Variants in CDYL observed in about 807,000 individuals in gnomAD.
The protein encoded by CDYL is chromodomain Y like, also known as chromodomain Y-like protein.
Under a neutral mutation model 47.3 loss-of-function variants are expected in CDYL, and 8 were observed. The ratio of observed to expected loss-of-function variants is 0.17; its 90% confidence interval spans 0.10 to 0.31. CDYL has a LOEUF of 0.31. CDYL is among the 10% of genes least tolerant of loss of function. The pLI is 1.00. For synonymous variants in CDYL, 266 were observed against 265.0 expected (o/e 1.00, Z -0.04); for missense variants, 471 against 701.4 (o/e 0.67, Z 3.71).
chr6:4,923,955 A>AT (rs1212461763), intron 2 of CDYL, among the ~76,000 whole-genome samples: 1 of 151,508 alleles, frequency 6.6e-6, no homozygotes, highest in Admixed American at 6.6e-5. Context: ...TCCAAGGAGC[A>AT]TTTTTTAGAA....
At chr6:4,804,805 G>C (rs567690705) in intron 1 of CDYL, among the ~76,000 whole-genome samples, 1 of 152,202 alleles carries the variant, frequency 6.6e-6, no homozygotes, top group Non-Finnish European at 1.5e-5. Context: ...CATTCAAGAA[G>C]AGTAATTAGA....
intron 3 of CDYL, among the ~76,000 whole-genome samples, chr6:4,936,163 G>A (rs1758186780): frequency 6.6e-6 from 1 of 152,186 alleles, no homozygotes; most frequent in Admixed American, 6.5e-5. Flanking sequence ...AGGGTTCTTT[G>A]TTCAGACAGA....
At chr6:4,744,219 C>T (rs560585179) in intron 3 of CDYL, among the ~76,000 whole-genome samples, 5 of 152,202 alleles carry the variant, frequency 3.3e-5, no homozygotes, top group East Asian at 3.9e-4. Context: ...ATAGCTCAGG[C>T]GCGAAGTCTC....
intron 1 of CDYL, among the ~76,000 whole-genome samples, chr6:4,870,208 G>T (rs1453123977): frequency 6.7e-5 from 10 of 149,864 alleles, no homozygotes; most frequent in African/African-American, 1.3e-4. Context: ...TGGACTACAG[G>T]TGTGTGCCAC....
intron 2 of CDYL, among the ~76,000 whole-genome samples, chr6:4,904,599 C>G (rs556990854): frequency 6.6e-6 from 1 of 152,320 alleles, no homozygotes; most frequent in Non-Finnish European, 1.5e-5. Flanking sequence ...GTCCTCCCTA[C>G]TTTATTATTT....
chr6:4,757,088 C>A (rs1046902482), intron 3 of CDYL, among the ~76,000 whole-genome samples: 3 of 152,026 alleles, frequency 2.0e-5, no homozygotes, highest in African/African-American at 7.2e-5. Context: ...AATAAATATA[C>A]AGAATATAAA....
rs759405940 is a variant in CDYL at position 4,954,071 on chromosome 6, A to G, written c.*15A>G. On this transcript the variant is annotated 3_prime_UTR_variant, in exon 7 of 7. Coordinates refer to ENST00000397588, the MANE Select transcript of CDYL (RefSeq NM_004824.4). The stretch of plus-strand genomic sequence containing the variant: ...ATGAGTTCTGAGTGTCGGGCTGCCC[A>G]CTGGTGACACCGGGATCGGGCTGAG... 1.9e-6 allele frequency: 3 copies of G among 1,610,266 alleles called. No homozygotes were observed. Among genetic ancestry groups the G allele is most frequent in the African/African-American group, 1.3e-5 (1 of 74,888 alleles).
chr6:4,711,798 C>T (rs1757157087), intron 1 of CDYL, among the ~76,000 whole-genome samples: 1 of 152,176 alleles, frequency 6.6e-6, no homozygotes, highest in Non-Finnish European at 1.5e-5. Flanking sequence ...GGCACAGTGG[C>T]TCATGCCTGT....
chr6:4,853,903 T>TTTCTTGC (rs1300209344), intron 1 of CDYL, among the ~76,000 whole-genome samples: 6 of 151,870 alleles, frequency 4.0e-5, no homozygotes, highest in Admixed American at 2.6e-4. Context: ...GCACACCTTG[T>TTTCTTGC]TTCTTGCTTC....
rs188709854 is a variant in CDYL, at chr6:4,746,801, A to G, written c.186+11957A>G. The stretch of plus-strand genomic sequence containing the variant: ...ACTAATGGGAGCCAGGGGAAGGATG[A>G]GATTTTCCCAGAAGAGGACTGTTGG... On this transcript the variant is annotated intron_variant, in intron 3 of 8. Transcript: ENST00000328908. 7.2e-5 allele frequency among the ~76,000 whole-genome samples: 11 copies of G among 152,194 alleles called. No homozygotes were observed. In the East Asian group the frequency reaches 2.1e-3, roughly 30 times the overall value.
intron 1 of CDYL, among the ~76,000 whole-genome samples, chr6:4,855,735 T>C (rs907284742): frequency 2.0e-5 from 3 of 152,222 alleles, no homozygotes; most frequent in East Asian, 3.8e-4. Flanking sequence ...CTTCATAGAA[T>C]ACTAACCTGA....
chr6:4,771,027 C>T (rs929564694), intron 3 of CDYL, among the ~76,000 whole-genome samples: 3 of 152,110 alleles, frequency 2.0e-5, no homozygotes, highest in East Asian at 3.8e-4. Flanking sequence ...CAAAATTTTA[C>T]TACACAATGG....
chr6:4,846,953 C>T (rs968168325), intron 1 of CDYL, among the ~76,000 whole-genome samples: 1 of 152,100 alleles, frequency 6.6e-6, no homozygotes, highest in Non-Finnish European at 1.5e-5. Context: ...AAAGTAGCCC[C>T]CTATTAGGTT....
At chr6:4,806,554 T>C (rs1445715507) in intron 1 of CDYL, among the ~76,000 whole-genome samples, 1 of 152,210 alleles carries the variant, frequency 6.6e-6, no homozygotes, top group Non-Finnish European at 1.5e-5. Flanking sequence ...TGTAGCACAG[T>C]TACCAAAACC....
chr6:4,732,026 T>A (rs1465785734), intron 2 of CDYL, among the ~76,000 whole-genome samples: 1 of 152,072 alleles, frequency 6.6e-6, no homozygotes, highest in Non-Finnish European at 1.5e-5. Context: ...AAGTAATATG[T>A]AGAGTTGATT....
At chr6:4,911,383 C>G (rs941352765) in intron 2 of CDYL, among the ~76,000 whole-genome samples, 1 of 152,186 alleles carries the variant, frequency 6.6e-6, no homozygotes, top group African/African-American at 2.4e-5. Flanking sequence ...CACATACATG[C>G]GCACAGTAGT....
At chr6:4,722,096 G>C (rs989473121) in intron 2 of CDYL, among the ~76,000 whole-genome samples, 1 of 151,930 alleles carries the variant, frequency 6.6e-6, no homozygotes, top group Non-Finnish European at 1.5e-5. Flanking sequence ...CTTTTGATCC[G>C]CATGCCTCAG....
intron 1 of CDYL, among the ~76,000 whole-genome samples, chr6:4,868,208 T>A (rs1376183415): frequency 6.6e-6 from 1 of 151,906 alleles, no homozygotes; most frequent in Admixed American, 6.6e-5. Flanking sequence ...AGATTATTGG[T>A]TCTTTCACTT....
chr6:4,898,619 G>T (rs1014985540), intron 2 of CDYL, among the ~76,000 whole-genome samples: 1 of 152,158 alleles, frequency 6.6e-6, no homozygotes, highest in Non-Finnish European at 1.5e-5. Context: ...GCAGAATGAT[G>T]TGATGCCCAG....
Sources: allele counts gnomAD v4.1 joint callset (sites outside exome capture counted in the v4.1 genomes callset), GRCh38; gene constraint gnomAD v4.1.1; transcripts MANE v1.5; gene names NCBI Gene and HGNC (gene_info 2026-07-23, HGNC 2026-07-21).